The following STXBP3 variants were observed in gnomAD, a reference collection of about 807,000 sequenced individuals.
The protein encoded by STXBP3 is syntaxin-binding protein 3.
A neutral mutation model predicts 85.7 loss-of-function variants in STXBP3; 41 were observed. That is an observed-to-expected ratio of 0.48 (90% CI 0.37 to 0.62). The LOEUF (loss-of-function observed/expected upper bound fraction) is 0.62. STXBP3 is among the 20% of genes least tolerant of loss of function. STXBP3 has a pLI of 0.00. For missense variants in STXBP3, 563 were observed against 703.1 expected (o/e 0.80, Z 2.25); for synonymous variants, 229 against 231.7 (o/e 0.99, Z 0.10).
At chr1:108,767,227 G>T in intron 6 of STXBP3, 1 of 229,996 alleles carries the variant, frequency 4.3e-6, no homozygotes, top group South Asian at 5.4e-5. Flanking sequence ...TGATTTCAAT[G>T]AGCATAGCTT....
At chr1:108,774,236 A>C (rs1461936857) in intron 7 of STXBP3, among the ~76,000 whole-genome samples, 1 of 152,140 alleles carries the variant, frequency 6.6e-6, no homozygotes, top group Non-Finnish European at 1.5e-5. Flanking sequence ...CTCTCGCCTC[A>C]GTTTCCTTAT....
At chr1:108,755,532 T>C (rs1194770883) in intron 3 of STXBP3, among the ~76,000 whole-genome samples, 1 of 152,172 alleles carries the variant, frequency 6.6e-6, no homozygotes, top group Non-Finnish European at 1.5e-5. Context: ...TTTTTTTAGT[T>C]GTTTGATAGA....
intron 16 of STXBP3, among the ~76,000 whole-genome samples, chr1:108,799,876 T>C (rs960048619): frequency 4.6e-5 from 7 of 152,240 alleles, no homozygotes; most frequent in African/African-American, 1.7e-4. Flanking sequence ...GTAGTAGCTA[T>C]GAAGGGCAAA....
Position 108,756,697 on chromosome 1 carries a change from G to T in STXBP3, c.189G>T (p.Glu63Asp). 6.4e-7 allele frequency: 1 copy of T among 1,569,754 alleles called. No individual in the cohort carries two copies. The highest frequency in any genetic ancestry group is 8.6e-7 in the Non-Finnish European group (1 of 1,156,416). ...DLLEEGITVV[E>D]NIYKNREPVR... ...GACCTTTTTTCTTGTTAGTTGTAGA[G>T]AATATTTATAAGAACCGTGAACCTG... Residue 63 changes from glutamate to aspartate, a missense_variant, in exon 4 of 19, where the codon GAG becomes GAT. Around this residue, in one of 3 missense-constraint regions of STXBP3, gnomAD observed 32 missense variants for 70.6 expected, o/e 0.45. Transcript: ENST00000370008.
At chr1:108,805,816 G>C (rs1350337119) in intron 17 of STXBP3, among the ~76,000 whole-genome samples, 3 of 152,184 alleles carry the variant, frequency 2.0e-5, no homozygotes, top group African/African-American at 7.2e-5. Context: ...GATTGCTTGA[G>C]CCTAAGAGTT....
At chr1:108,767,600 C>T (rs192169726) in intron 6 of STXBP3, 124 of 154,790 alleles carry the variant, frequency 8.0e-4, no homozygotes, top group South Asian at 5.6e-3. Context: ...CTGTGCCTTG[C>T]TGCAACCTGC....
At chr1:108,749,617 G>C (rs866416355) in intron 1 of STXBP3, among the ~76,000 whole-genome samples, 1 of 152,182 alleles carries the variant, frequency 6.6e-6, no homozygotes. Flanking sequence ...TATAGTATTT[G>C]TTGATATGAT....
chr1:108,779,433 A>G (rs1472251011), intron 9 of STXBP3, 23 bp downstream of exon 9: 1 of 1,602,610 alleles, frequency 6.2e-7, no homozygotes, highest in African/African-American at 1.3e-5. Flanking sequence ...TGAAGGGCAT[A>G]TAAAGGGCAT....
intron 18 of STXBP3, 53 bp from the exon 19 acceptor site, chr1:108,808,730 A>G: frequency 7.2e-7 from 1 of 1,389,198 alleles, no homozygotes; most frequent in Non-Finnish European, 1.0e-6. Flanking sequence ...TATTAAGCGA[A>G]GGAAAATTGA....
At chr1:108,804,252 A>G (rs1395272727) in intron 17 of STXBP3, among the ~76,000 whole-genome samples, 5 of 151,942 alleles carry the variant, frequency 3.3e-5, no homozygotes, top group African/African-American at 1.2e-4. Context: ...CTTCAGATTT[A>G]GTTTTCAGTT....
At chr1:108,772,351 G>GATATCTGTATCATATATAAATACAT (rs1662477687) in intron 6 of STXBP3, among the ~76,000 whole-genome samples, 1 of 38,336 alleles carries the variant, frequency 2.6e-5, no homozygotes, top group South Asian at 6.3e-4. Context: ...AAATACATAT[G>GATATCTGTATCATATATAAATACAT]ATATCTGTAT....
At chr1:108,803,877 T>G (rs997949184) in intron 17 of STXBP3, among the ~76,000 whole-genome samples, 2 of 152,242 alleles carry the variant, frequency 1.3e-5, no homozygotes, top group African/African-American at 4.8e-5. Flanking sequence ...TTATGTTCAG[T>G]CAACACTTGT....
intron 6 of STXBP3, among the ~76,000 whole-genome samples, chr1:108,772,016 G>A (rs1243290107): frequency 0.1 from 7 of 70 alleles, 2 homozygotes; most frequent in Non-Finnish European, 0.13. Context: ...TATGATATCT[G>A]TATCATATAT....
chr1:108,757,546 T>C (rs1277043), intron 4 of STXBP3, among the ~76,000 whole-genome samples: 109,162 of 151,680 alleles, frequency 0.72, 40,270 homozygotes, highest in Non-Finnish European at 0.78. Context: ...AACTTAAAAG[T>C]ACCATTTTTC....
chr1:108,773,379 A>C (rs1250640991), intron 7 of STXBP3, among the ~76,000 whole-genome samples: 2 of 152,220 alleles, frequency 1.3e-5, no homozygotes, highest in Non-Finnish European at 2.9e-5. Context: ...TTAACTGACA[A>C]AACCAATTTT....
At chr1:108,801,902 C>T (rs1663240428) in intron 17 of STXBP3, among the ~76,000 whole-genome samples, 2 of 151,986 alleles carry the variant, frequency 1.3e-5, no homozygotes, top group South Asian at 2.1e-4. Flanking sequence ...CTCCTGGGCT[C>T]AAGCGATCTT....
chr1:108,807,954 A>G (rs1020709356), intron 18 of STXBP3, among the ~76,000 whole-genome samples: 1 of 152,240 alleles, frequency 6.6e-6, no homozygotes, highest in Non-Finnish European at 1.5e-5. Flanking sequence ...CATTTGAGAC[A>G]AAATTTAATG....
intron 9 of STXBP3, chr1:108,780,282 T>G (rs539682974): frequency 6.6e-6 from 1 of 152,192 alleles, no homozygotes; most frequent in African/African-American, 2.4e-5. Context: ...GGTTTCTGAG[T>G]TTTTCTCTGT....
intron 11 of STXBP3, among the ~76,000 whole-genome samples, chr1:108,784,269 T>C (rs1662782111): frequency 6.6e-6 from 1 of 152,202 alleles, no homozygotes; most frequent in South Asian, 2.1e-4. Flanking sequence ...CATGAATAAA[T>C]AGCTGAGACT....
Sources: gnomAD v4.1 joint callset for allele counts (sites outside exome capture counted in the v4.1 genomes callset) on GRCh38, gnomAD v4.1.1 for gene constraint, gnomAD v4.1.1 regional missense constraint, MANE v1.5 for transcripts, NCBI Gene and HGNC (gene_info 2026-07-23, HGNC 2026-07-21) for gene names.